EQTN: variants seen among roughly 807,000 people sequenced by gnomAD.
EQTN encodes Acrosome formation associated factor.
Under a neutral mutation model 26.9 loss-of-function variants are expected in EQTN, and 29 were observed. The ratio of observed to expected loss-of-function variants is 1.08; its 90% CI spans 0.80 to 1.47. The LOEUF (loss-of-function observed/expected upper bound fraction) is 1.47, where lower values mean the gene tolerates loss of function less well. Ranked by LOEUF, EQTN falls within the 40% of genes most tolerant of loss-of-function variation. The pLI is 0.00. For missense variants in EQTN, 391 were observed against 346.1 expected (o/e 1.13, Z -1.03); for synonymous variants, 129 against 120.0 (o/e 1.07, Z -0.49).
intron 4 of EQTN, among the ~76,000 whole-genome samples, chr9:27,291,374 C>T (rs1396098774): frequency 6.6e-6 from 1 of 152,156 alleles, no homozygotes; most frequent in Non-Finnish European, 1.5e-5. Flanking sequence ...GGCCAGAAAC[C>T]CTTCAAAAGG....
chr9:27,296,986 T>A lies in EQTN; in HGVS notation c.70A>T (p.Ile24Phe). ...GTTTTAAATGCTCTCTCACCTTCAA[T>A]AGTAGGCTTCAAAGTGCTACTTTTT... Reference protein sequence around the residue: ...SLKSSTLKPTIEALPNVLPLN... With the variant: ...SLKSSTLKPTFEALPNVLPLN... Residue 24 changes from isoleucine (I) to phenylalanine (F), a missense_variant, in exon 1 of 8, where the codon ATT becomes TTT. By Grantham distance (21) the Ile-to-Phe change is conservative (BLOSUM62 0). Coordinates refer to ENST00000380032, the MANE Select transcript of EQTN (RefSeq NM_020641.3). 1 of 1,612,308 alleles carries A rather than the reference T, an allele frequency of 6.2e-7. No homozygotes were observed. Among genetic ancestry groups the A allele is most frequent in the Non-Finnish European group, 8.5e-7 (1 of 1,179,240 alleles).
Position 27,296,952 on chromosome 9 carries a change from T to A in EQTN, c.76+28A>T. On this transcript the variant is annotated intron_variant, in intron 1 of 7. Coordinates refer to ENST00000380032, the MANE Select transcript of EQTN (RefSeq NM_020641.3). ...TGGGTCATCCTTCTTACCTACTATTTTTATAAAAGTTTTAAATGCTCTCTC... is the reference window on the plus strand; with the variant it reads ...TGGGTCATCCTTCTTACCTACTATTATTATAAAAGTTTTAAATGCTCTCTC... 1.9e-6 allele frequency: 3 copies of A among 1,605,948 alleles called. No individual in the cohort carries two copies. In the South Asian group the frequency reaches 3.3e-5, roughly 18 times the overall value.
At position 27,284,807 on chromosome 9, in the gene EQTN, T is replaced by A; in HGVS notation, c.801A>T (p.Thr267=). ...TATCCGTCATTATCTTAGATTCTGA[T>A]GTTCTTGTGCCTGATCTTCTCATAT... ...SSDMRRSGTR[T]SESKIMTDII... Residue 267 remains threonine, a synonymous_variant, in exon 8 of 8, where the codon ACA becomes ACT. Coordinates refer to ENST00000380032, the MANE Select transcript of EQTN (RefSeq NM_020641.3). 1.2e-6 allele frequency: 2 copies of A among 1,614,186 alleles called. No homozygotes were observed. The highest frequency in any genetic ancestry group is 1.7e-6 in the Non-Finnish European group (2 of 1,180,010).
intron 7 of EQTN, 37 bp from the exon 8 acceptor site, chr9:27,285,009 T>TA (rs1330074730): frequency 4.5e-6 from 7 of 1,571,416 alleles, no homozygotes; most frequent in Non-Finnish European, 6.0e-6. Flanking sequence ...GAATTGTTTT[T>TA]AATTGTGTAC....
At chr9:27,294,094 G>A (rs995944186) in intron 3 of EQTN, among the ~76,000 whole-genome samples, 1 of 152,204 alleles carries the variant, frequency 6.6e-6, no homozygotes, top group African/African-American at 2.4e-5. Flanking sequence ...CAGTGTAATG[G>A]ATGTGGAGTC....
intron 2 of EQTN, 69 bp from the exon 3 acceptor site, chr9:27,294,471 C>A: frequency 1.1e-6 from 1 of 922,596 alleles, no homozygotes; most frequent in East Asian, 2.7e-5. Flanking sequence ...TTTTCTTCCT[C>A]TGAGTTTTTT....
At chr9:27,291,965 C>A (rs985843941) in intron 4 of EQTN, among the ~76,000 whole-genome samples, 14 of 152,188 alleles carry the variant, frequency 9.2e-5, no homozygotes, top group African/African-American at 3.1e-4. Flanking sequence ...GATTTTGCAG[C>A]CTCCCACTCC....
Position 27,284,847 on chromosome 9 carries a change from C to T in EQTN, c.761G>A (p.Gly254Asp), listed in dbSNP as rs145775231. 3.5e-5 allele frequency: 56 copies of T among 1,613,960 alleles called. No individual in the cohort carries two copies. In the African/African-American group the frequency reaches 6.0e-4, roughly 17 times the overall value. ...TCTTCTCATATCTGAAGAAGTGGTACCCAAAAATGTGCTGCTCTCTGCACT... is the reference window on the plus strand; with the variant it reads ...TCTTCTCATATCTGAAGAAGTGGTATCCAAAAATGTGCTGCTCTCTGCACT... Reference protein sequence around the residue: ...SKSAESSTFLGTTSSDMRRSG... With the variant: ...SKSAESSTFLDTTSSDMRRSG... Residue 254 changes from glycine (G) to aspartate (D), a missense_variant, in exon 8 of 8, where the codon GGT becomes GAT. Coordinates refer to ENST00000380032, the MANE Select transcript of EQTN (RefSeq NM_020641.3).
intron 6 of EQTN, among the ~76,000 whole-genome samples, chr9:27,287,433 G>A (rs1820144830): frequency 6.6e-6 from 1 of 152,158 alleles, no homozygotes; most frequent in Admixed American, 6.5e-5. Context: ...AAAGATGTGT[G>A]CTCATAGTAC....
chr9:27,286,406 G>T, intron 6 of EQTN, 44 bp from the exon 7 acceptor site: 1 of 1,542,076 alleles, frequency 6.5e-7, no homozygotes, highest in East Asian at 2.4e-5. Context: ...TGTTCAGTGT[G>T]TTCTCCTGAA....
chr9:27,294,181 G>A (rs975204499), intron 3 of EQTN, 135 bp downstream of exon 3: 2 of 529,186 alleles, frequency 3.8e-6, no homozygotes, highest in Non-Finnish European at 6.6e-6. Flanking sequence ...CCCAGTCACA[G>A]AATCTACTTT....
chr9:27,287,413 G>A lies in EQTN; in HGVS notation c.482-1051C>T, dbSNP rs543767988. Among the ~76,000 whole-genome samples the A allele has an allele frequency of 8.5e-5, 13 of 152,188 alleles. No individual in the cohort carries two copies. The South Asian group carries it at 2.7e-3, about 32-fold the overall frequency. On this transcript the variant is annotated intron_variant, in intron 6 of 7. Transcript: ENST00000380032. ...GAATTGCTTTTCTGTCTCCTGAAAG[G>A]GTTTTTAATAAAGATGTGTGCTCAT...
At chr9:27,288,560 G>A (rs1387095181) in intron 6 of EQTN, among the ~76,000 whole-genome samples, 3 of 152,086 alleles carry the variant, frequency 2.0e-5, no homozygotes, top group Non-Finnish European at 2.9e-5. Flanking sequence ...ACAAAACCCT[G>A]CACACAAGTG....
intron 7 of EQTN, among the ~76,000 whole-genome samples, chr9:27,285,506 AG>A (rs1249545873): frequency 6.6e-6 from 1 of 152,230 alleles, no homozygotes; most frequent in Admixed American, 6.5e-5. Flanking sequence ...AATCTCTACT[AG>A]AATTTATAAA....
At chr9:27,293,506 A>T (rs749288430) in intron 3 of EQTN, among the ~76,000 whole-genome samples, 4 of 152,118 alleles carry the variant, frequency 2.6e-5, no homozygotes, top group Non-Finnish European at 5.9e-5. Context: ...CCCCGTTTAA[A>T]ATGGCAGGAA....
intron 7 of EQTN, among the ~76,000 whole-genome samples, chr9:27,285,658 A>G (rs1453831998): frequency 6.6e-6 from 1 of 152,236 alleles, no homozygotes; most frequent in African/African-American, 2.4e-5. Flanking sequence ...AAAACAGCAC[A>G]ATGAAAAGAA....
intron 3 of EQTN, among the ~76,000 whole-genome samples, chr9:27,292,941 G>C (rs1330116972): frequency 6.6e-6 from 1 of 152,120 alleles, no homozygotes; most frequent in African/African-American, 2.4e-5. Context: ...TGGATATAAA[G>C]ATTTTGGACT....
In EQTN at chr9:27,297,017, A is replaced by G. The variant is rs1226373036; in HGVS notation, c.39T>C (p.Phe13=). The G allele has an allele frequency of 1.2e-6, 2 of 1,611,270 alleles. No individual in the cohort carries two copies. The highest frequency in any genetic ancestry group is 2.7e-5 in the African/African-American group (2 of 74,698). Residue 13 remains phenylalanine, a synonymous_variant, in exon 1 of 8, where the codon TTT becomes TTC. Coordinates refer to ENST00000380032, the MANE Select transcript of EQTN (RefSeq NM_020641.3). ...GCTTCAAAGTGCTACTTTTTAAGGA[A>G]AAAACTCCAGGTATAAAAATAAACA... ...FILFIFIPGV[F]SLKSSTLKPT...
rs59624248 is a variant in EQTN, at chr9:27,290,969, A to G, written c.421+50T>C. ...TAGACTGATCTTAGCTCTAAGTAAG[A>G]TTTTAGAAAACCAAAATGTTTCCCA... is the stretch of plus-strand genomic sequence containing the variant. On this transcript the variant is annotated intron_variant, in intron 5 of 7. Transcript: ENST00000380032. The G allele has an allele frequency of 7.1e-3, 11,030 of 1,559,338 alleles. 709 individuals are homozygous for G. The African/African-American group carries it at 0.13, about 19-fold the overall frequency.
Sources: allele counts gnomAD v4.1 joint callset (sites outside exome capture counted in the v4.1 genomes callset), GRCh38; gene constraint gnomAD v4.1.1; transcripts MANE v1.5; gene names NCBI Gene and HGNC (gene_info 2026-07-23, HGNC 2026-07-21).